The following PIK3C2G variants were observed in gnomAD, a reference collection of about 807,000 sequenced individuals.
The protein encoded by PIK3C2G is phosphatidylinositol 3-kinase C2 domain-containing subunit gamma.
In PIK3C2G, 168 loss-of-function variants were observed where a neutral mutation model predicts 181.1. That is an observed-to-expected ratio of 0.93 (90% confidence interval 0.82 to 1.05). The LOEUF (loss-of-function observed/expected upper bound fraction) is 1.05, where lower values mean the gene tolerates loss of function less well. Ranked by LOEUF, PIK3C2G falls within the 50% of genes least tolerant of loss-of-function variation. The probability of loss-of-function intolerance (pLI) is 0.00; values close to 1 mark genes in which losing one functional copy is unlikely to be tolerated. For missense variants in PIK3C2G, 1,869 were observed against 1,732.8 expected (o/e 1.08, Z -1.40); for synonymous variants, 573 against 592.2 (o/e 0.97, Z 0.47).
chr12:18,272,080 T>G (rs1224026364), intron 1 of PIK3C2G, among the ~76,000 whole-genome samples: 1 of 152,360 alleles, frequency 6.6e-6, no homozygotes. Context: ...TGTACTTTTC[T>G]ATATAATTTC....
chr12:18,432,919 G>T (rs1347950336), intron 18 of PIK3C2G, among the ~76,000 whole-genome samples: 2 of 151,460 alleles, frequency 1.3e-5, no homozygotes, highest in Non-Finnish European at 1.5e-5. Context: ...GTAATTTGAA[G>T]AATTCAGGAA....
At chr12:18,293,551 C>T (rs529691765) in intron 4 of PIK3C2G, among the ~76,000 whole-genome samples, 8 of 152,254 alleles carry the variant, frequency 5.3e-5, no homozygotes, top group East Asian at 1.9e-4. Flanking sequence ...TTTTGCCTGG[C>T]TATACCCAAG....
At chr12:18,510,865 C>G (rs770156411) in intron 24 of PIK3C2G, among the ~76,000 whole-genome samples, 2 of 152,082 alleles carry the variant, frequency 1.3e-5, no homozygotes, top group African/African-American at 4.8e-5. Flanking sequence ...GAAATTTACT[C>G]TATTATTTTT....
the PIK3C2G span, among the ~76,000 whole-genome samples, chr12:18,691,728 A>C: frequency 1.3e-5 from 2 of 152,182 alleles, no homozygotes; most frequent in Non-Finnish European, 2.9e-5. Context: ...GTCAGTAGTT[A>C]ATTCTTTGCC....
intron 25 of PIK3C2G, among the ~76,000 whole-genome samples, chr12:18,544,549 G>T (rs184350561): frequency 1.3e-5 from 2 of 151,936 alleles, no homozygotes; most frequent in African/African-American, 4.8e-5. Flanking sequence ...GACTGCTGAG[G>T]AGTGTTTTTA....
chr12:18,516,885 T>G (rs1033035657), intron 24 of PIK3C2G, among the ~76,000 whole-genome samples: 1 of 152,020 alleles, frequency 6.6e-6, no homozygotes, highest in Non-Finnish European at 1.5e-5. Flanking sequence ...TTATATTTTT[T>G]AAACATTTTC....
chr12:18,608,685 T>C (rs1157495589), intron 30 of PIK3C2G, among the ~76,000 whole-genome samples: 3 of 152,062 alleles, frequency 2.0e-5, no homozygotes, highest in Non-Finnish European at 4.4e-5. Context: ...TGTGCACATG[T>C]ACCCTAAAAC....
At chr12:18,364,924 A>G (rs1225132224) in intron 12 of PIK3C2G, among the ~76,000 whole-genome samples, 1 of 152,256 alleles carries the variant, frequency 6.6e-6, no homozygotes, top group African/African-American at 2.4e-5. Flanking sequence ...ACCATTAATC[A>G]GTTCAATCCC....
intron 31 of PIK3C2G, among the ~76,000 whole-genome samples, chr12:18,627,640 T>C (rs1949162087): frequency 6.6e-6 from 1 of 152,192 alleles, no homozygotes. Flanking sequence ...ATTCTACCAT[T>C]TAACTGAGGC....
intron 25 of PIK3C2G, among the ~76,000 whole-genome samples, chr12:18,539,195 C>T (rs1208615482): frequency 6.6e-6 from 1 of 151,922 alleles, no homozygotes; most frequent in Non-Finnish European, 1.5e-5. Context: ...TTACTGGCTA[C>T]ATTCTTCAGG....
intron 18 of PIK3C2G, among the ~76,000 whole-genome samples, chr12:18,427,593 T>C (rs1427560450): frequency 1.3e-5 from 2 of 151,862 alleles, no homozygotes; most frequent in Non-Finnish European, 2.9e-5. Context: ...GTTAAAATAC[T>C]TGGACCACCT....
intron 14 of PIK3C2G, 88 bp from the exon 15 acceptor site, chr12:18,391,033 AG>A: frequency 1.2e-6 from 1 of 847,798 alleles, no homozygotes; most frequent in Non-Finnish European, 1.7e-6. Flanking sequence ...TCTGTTCTTT[AG>A]TTTCTATAAA....
chr12:18,625,608 G>C (rs891277490), intron 31 of PIK3C2G, among the ~76,000 whole-genome samples: 5 of 151,706 alleles, frequency 3.3e-5, no homozygotes, highest in African/African-American at 4.8e-5. Flanking sequence ...GTCCACTAGT[G>C]AAAGTGATGT....
chr12:18,374,356 T>A (rs1041350505), intron 13 of PIK3C2G, among the ~76,000 whole-genome samples: 1 of 152,170 alleles, frequency 6.6e-6, no homozygotes, highest in African/African-American at 2.4e-5. Flanking sequence ...CTCCACTGTG[T>A]CAAGTCATTT....
chr12:18,439,594 G>C (rs1946628812), intron 18 of PIK3C2G, among the ~76,000 whole-genome samples: 1 of 151,976 alleles, frequency 6.6e-6, no homozygotes, highest in Non-Finnish European at 1.5e-5. Flanking sequence ...GTATGTATCT[G>C]GGGTAATTTC....
the PIK3C2G span, among the ~76,000 whole-genome samples, chr12:18,656,865 A>G: frequency 6.6e-6 from 1 of 152,218 alleles, no homozygotes; most frequent in Non-Finnish European, 1.5e-5. Flanking sequence ...CTTAATCAAG[A>G]AAAGAGAGTT....
chr12:18,640,595 T>C, intron 32 of PIK3C2G, 41 bp downstream of exon 32: 1 of 1,530,644 alleles, frequency 6.5e-7, no homozygotes, highest in Non-Finnish European at 8.8e-7. Context: ...TTTGTATTTT[T>C]CTTACCATTT....
At chr12:18,576,764 C>T (rs12303465) in intron 29 of PIK3C2G, among the ~76,000 whole-genome samples, 7,447 of 152,162 alleles carry the variant, frequency 0.049, 610 homozygotes, top group African/African-American at 0.17. Flanking sequence ...GTGATTTTTG[C>T]ATGTTAAAGA....
chr12:18,597,381 TG>T, intron 30 of PIK3C2G, among the ~76,000 whole-genome samples: 1 of 152,110 alleles, frequency 6.6e-6, no homozygotes, highest in East Asian at 1.9e-4. Flanking sequence ...CACAAATACA[TG>T]AAAATAAAAG....
Sources: gnomAD v4.1 joint callset for allele counts (sites outside exome capture counted in the v4.1 genomes callset) on GRCh38, gnomAD v4.1.1 for gene constraint, MANE v1.5 for transcripts, NCBI Gene and HGNC (gene_info 2026-07-23, HGNC 2026-07-21) for gene names.